Variants in ANKRD20A1 observed in about 807,000 individuals in gnomAD.
The protein encoded by ANKRD20A1 is ankyrin repeat domain-containing protein 20A1.
ANKRD20A1 carries 2 observed loss-of-function variants against 50.9 expected under a neutral mutation model. The ratio of observed to expected loss-of-function variants is 0.04; its 90% CI spans 0.02 to 0.12. The LOEUF is 0.12. ANKRD20A1 is among the 10% of genes least tolerant of loss of function. The pLI is 1.00. For missense variants in ANKRD20A1, 31 were observed against 548.1 expected (o/e 0.06, Z 9.42); for synonymous variants, 10 against 186.2 (o/e 0.05, Z 7.70).
At chr9:67,893,013 AAAC>A (rs1171740729) in intron 11 of ANKRD20A1, among the ~76,000 whole-genome samples, 2 of 78,508 alleles carry the variant, frequency 2.5e-5, no homozygotes, top group African/African-American at 8.2e-5. Context: ...ATTAAGGTAT[AAAC>A]AACAATAATT....
At chr9:67,881,562 T>G (rs1255733143) in intron 8 of ANKRD20A1, among the ~76,000 whole-genome samples, 2 of 151,558 alleles carry the variant, frequency 1.3e-5, no homozygotes, top group Non-Finnish European at 2.9e-5. Context: ...AGGTCAGGAG[T>G]TCAAGATCAG....
chr9:67,860,059 CT>C (rs1231568048), intron 1 of ANKRD20A1, among the ~76,000 whole-genome samples: 11,522 of 13,880 alleles, frequency 0.83, 5,392 homozygotes, highest in Middle Eastern at 0.95. Context: ...TCATTATATT[CT>C]TTTTTTTTTT....
At chr9:67,884,608 A>G (rs370200249) in intron 9 of ANKRD20A1, 38 bp downstream of exon 9, 42 of 1,590,650 alleles carry the variant, frequency 2.6e-5, no homozygotes, top group African/African-American at 2.5e-4. Flanking sequence ...CATCTGATGG[A>G]GGCCGGGTGC....
intron 6 of ANKRD20A1, among the ~76,000 whole-genome samples, chr9:67,876,060 TTCTC>T (rs1827724995): frequency 2.1e-5 from 1 of 46,972 alleles, no homozygotes; most frequent in African/African-American, 4.3e-5. Flanking sequence ...TCCAGATAGA[TTCTC>T]TATCAATGGA....
At chr9:67,885,861 A>AAT (rs1195469887) in intron 9 of ANKRD20A1, among the ~76,000 whole-genome samples, 2 of 152,218 alleles carry the variant, frequency 1.3e-5, no homozygotes, top group Non-Finnish European at 2.9e-5. Context: ...ATAGCAAGGG[A>AAT]ATAGCCTTCC....
chr9:67,884,956 T>G (rs896541082), intron 9 of ANKRD20A1, among the ~76,000 whole-genome samples: 2 of 125,174 alleles, frequency 1.6e-5, no homozygotes, highest in Non-Finnish European at 3.5e-5. Flanking sequence ...ACTAATAGAG[T>G]GTAATAGCTA....
chr9:67,871,649 C>G (rs1449192825), intron 6 of ANKRD20A1, among the ~76,000 whole-genome samples: 69 of 132,936 alleles, frequency 5.2e-4, no homozygotes, highest in African/African-American at 1.9e-3. Context: ...ATTTAGTAAA[C>G]AAATAACTAC....
At chr9:67,868,102 C>G (rs1827605861) in intron 4 of ANKRD20A1, among the ~76,000 whole-genome samples, 1 of 125,858 alleles carries the variant, frequency 7.9e-6, no homozygotes, top group African/African-American at 2.8e-5. Flanking sequence ...ACGGGGAAAT[C>G]TTCATCTAAA....
chr9:67,882,264 G>A (rs1827812020), intron 8 of ANKRD20A1, among the ~76,000 whole-genome samples: 1 of 151,436 alleles, frequency 6.6e-6, no homozygotes, highest in African/African-American at 2.4e-5. Context: ...TGGGTTACAG[G>A]CATAAGATAT....
chr9:67,866,418 CT>C (rs1827572705), intron 3 of ANKRD20A1, among the ~76,000 whole-genome samples: 1 of 149,076 alleles, frequency 6.7e-6, no homozygotes, highest in Admixed American at 6.8e-5. Flanking sequence ...AAAATCTCTT[CT>C]CTTGTATTAG....
chr9:67,884,855 A>C (rs1827851931), intron 9 of ANKRD20A1, among the ~76,000 whole-genome samples: 1 of 151,300 alleles, frequency 6.6e-6, no homozygotes, highest in African/African-American at 2.4e-5. Context: ...CCACCACTGC[A>C]TTCCACCCTG....
At chr9:67,885,357 T>C (rs1360687882) in intron 9 of ANKRD20A1, among the ~76,000 whole-genome samples, 1 of 152,298 alleles carries the variant, frequency 6.6e-6, no homozygotes, top group South Asian at 2.1e-4. Context: ...CTTGCTGTCA[T>C]CCTCACTACT....
At chr9:67,881,392 T>TA (rs1827792413) in intron 8 of ANKRD20A1, among the ~76,000 whole-genome samples, 1 of 149,990 alleles carries the variant, frequency 6.7e-6, no homozygotes, top group Non-Finnish European at 1.5e-5. Context: ...TTGCTGCAAA[T>TA]AACCAGTTCT....
intron 3 of ANKRD20A1, among the ~76,000 whole-genome samples, chr9:67,863,692 C>A (rs1169261670): frequency 6.5e-5 from 2 of 30,944 alleles, no homozygotes; most frequent in South Asian, 1.2e-3. Flanking sequence ...TAGTGTAAAA[C>A]AACACAGGAA....
intron 3 of ANKRD20A1, 127 bp downstream of exon 3, chr9:67,863,518 A>T: frequency 2.9e-6 from 1 of 344,572 alleles, no homozygotes; most frequent in Non-Finnish European, 4.1e-6. Context: ...ATTTTGAAAT[A>T]ACTTGTCTAA....
At position 67,897,739 on chromosome 9, in the gene ANKRD20A1, G is replaced by A. The variant is rs200781856; in HGVS notation, c.1316+17G>A. 15 of 1,209,274 alleles carry A rather than the reference G, an allele frequency of 1.2e-5. No homozygotes were observed. The highest frequency in any genetic ancestry group is 3.2e-4 in the Middle Eastern group (1 of 3,136). 74.9% of individuals were successfully genotyped at this position (1,209,274 alleles called of 1,614,324 possible). The stretch of plus-strand genomic sequence containing the variant: ...GCATGATAGGTAAGCCTATAGCAGT[G>A]TTTTTTTTTTTGTTTGTTTGGTTTT... On this transcript the variant is annotated intron_variant, in intron 13 of 14. Coordinates refer to ENST00000562196, the MANE Select transcript of ANKRD20A1 (RefSeq NM_032250.5).
intron 8 of ANKRD20A1, among the ~76,000 whole-genome samples, chr9:67,881,312 T>G (rs1827790665): frequency 1.4e-5 from 2 of 145,234 alleles, no homozygotes; most frequent in Admixed American, 7.3e-5. Flanking sequence ...CAAAGGAATT[T>G]TTGTGTGGTT....
chr9:67,878,906 T>G lies in ANKRD20A1; in HGVS notation c.824+1116T>G, dbSNP rs1435122647. ...GGAACCCAATGGAAGTAGATAAGAA[T>G]GGAATGAGCAGGGAAGTCCAAGTTT... On this transcript the variant is annotated intron_variant, in intron 7 of 14. Transcript: ENST00000562196. Among the ~76,000 whole-genome samples the G allele has an allele frequency of 3.4e-5, 2 of 58,234 alleles. 1 individual carries two copies. The highest frequency in any genetic ancestry group is 7.1e-5 in the African/African-American group (2 of 28,106). 38.2% of individuals were successfully genotyped at this position (58,234 alleles called of 152,430 possible).
rs1197680067 is a variant in ANKRD20A1 at position 67,881,216 on chromosome 9, A to ACC, written c.894+672_894+673insCC. ...ATTGCTTGAACCCAGGAGTTTGAGAACAGCCTGGGCAACATCGTATCTGAT... is the reference window on the plus strand; with the variant it reads ...ATTGCTTGAACCCAGGAGTTTGAGAACCCAGCCTGGGCAACATCGTATCTGAT... On this transcript the variant is annotated intron_variant, in intron 8 of 14. Transcript: ENST00000562196. 2.1e-5 allele frequency among the ~76,000 whole-genome samples: 3 copies of ACC among 145,572 alleles called. No homozygotes were observed. In the East Asian group the frequency reaches 6.5e-4, roughly 32 times the overall value.
Sources: gnomAD v4.1 joint callset for allele counts (sites outside exome capture counted in the v4.1 genomes callset) on GRCh38, gnomAD v4.1.1 for gene constraint, MANE v1.5 for transcripts, NCBI Gene and HGNC (gene_info 2026-07-23, HGNC 2026-07-21) for gene names.